DLG2: variants seen among roughly 807,000 people sequenced by gnomAD.
The protein encoded by DLG2 is disks large homolog 2.
A neutral mutation model predicts 132.5 loss-of-function variants in DLG2; 45 were observed. The ratio of observed to expected loss-of-function variants is 0.34; its 90% confidence interval spans 0.27 to 0.44. DLG2 has a LOEUF of 0.44. Ranked by LOEUF, DLG2 falls within the 20% of genes least tolerant of loss-of-function variation. DLG2 has a pLI of 1.00. For missense variants in DLG2, 1,045 were observed against 1,196.9 expected (o/e 0.87, Z 1.87); for synonymous variants, 424 against 419.6 (o/e 1.01, Z -0.13).
At chr11:84,950,039 A>T in intron 6 of DLG2, among the ~76,000 whole-genome samples, 1 of 152,232 alleles carries the variant, frequency 6.6e-6, no homozygotes, top group East Asian at 1.9e-4. Flanking sequence ...TTCTTCTGCC[A>T]TGGCTTCAGC....
chr11:85,100,284 T>C (rs2070666196), intron 6 of DLG2, among the ~76,000 whole-genome samples: 1 of 152,058 alleles, frequency 6.6e-6, no homozygotes, highest in South Asian at 2.1e-4. Flanking sequence ...AATAATATAA[T>C]AATAACAATA....
At chr11:85,501,472 G>C (rs2093801674) in intron 3 of DLG2, among the ~76,000 whole-genome samples, 1 of 152,178 alleles carries the variant, frequency 6.6e-6, no homozygotes, top group South Asian at 2.1e-4. Context: ...TATCATCAGA[G>C]TGAACAGGCA....
intron 17 of DLG2, among the ~76,000 whole-genome samples, chr11:83,789,081 CAA>C: frequency 6.6e-6 from 1 of 152,276 alleles, no homozygotes; most frequent in South Asian, 2.1e-4. Flanking sequence ...CAACTTCTCA[CAA>C]CCAATAAAAT....
At chr11:85,466,802 TG>T (rs1287050736) in intron 3 of DLG2, among the ~76,000 whole-genome samples, 1 of 152,184 alleles carries the variant, frequency 6.6e-6, no homozygotes, top group East Asian at 1.9e-4. Context: ...GGTTCTTTTT[TG>T]GTTCCATATG....
chr11:83,572,818 AC>A (rs2096820523), intron 19 of DLG2, among the ~76,000 whole-genome samples: 1 of 151,858 alleles, frequency 6.6e-6, no homozygotes, highest in Non-Finnish European at 1.5e-5. Flanking sequence ...CTCTGAATGA[AC>A]TCCTTAATTC....
chr11:84,944,846 T>A (rs992387004), intron 6 of DLG2, among the ~76,000 whole-genome samples: 1 of 152,158 alleles, frequency 6.6e-6, no homozygotes, highest in Non-Finnish European at 1.5e-5. Flanking sequence ...CCTCATGATT[T>A]GCCCACCTCA....
chr11:84,362,171 A>G (rs1430495290), intron 7 of DLG2, among the ~76,000 whole-genome samples: 2 of 151,986 alleles, frequency 1.3e-5, no homozygotes, highest in East Asian at 1.9e-4. Context: ...ACACCACAAC[A>G]GTTGAAATTC....
chr11:83,548,644 T>C (rs2096298916), intron 19 of DLG2, among the ~76,000 whole-genome samples: 1 of 152,150 alleles, frequency 6.6e-6, no homozygotes, highest in East Asian at 1.9e-4. Context: ...TCCATCTCAT[T>C]GAATCCCTGT....
At chr11:84,732,894 G>C (rs2063335848) in intron 6 of DLG2, among the ~76,000 whole-genome samples, 2 of 150,764 alleles carry the variant, frequency 1.3e-5, no homozygotes, top group South Asian at 4.2e-4. Context: ...TGTGATGTTT[G>C]GTTTTTTGTC....
At chr11:84,046,810 A>C (rs949391023) in intron 11 of DLG2, among the ~76,000 whole-genome samples, 1 of 151,600 alleles carries the variant, frequency 6.6e-6, no homozygotes. Flanking sequence ...ATATTAAAAT[A>C]GATTTCATTT....
chr11:84,317,427 A>G, intron 7 of DLG2: 1 of 1,209,638 alleles, frequency 8.3e-7, no homozygotes, highest in Non-Finnish European at 1.1e-6. Flanking sequence ...TCAATGCTCC[A>G]CACAGCTGGG....
At chr11:85,297,439 C>A (rs1352647401) in intron 3 of DLG2, among the ~76,000 whole-genome samples, 2 of 152,142 alleles carry the variant, frequency 1.3e-5, no homozygotes, top group African/African-American at 4.8e-5. Flanking sequence ...ACTGGAAAGC[C>A]ACACAGGACC....
chr11:85,150,014 T>TA (rs2077124042), intron 5 of DLG2, among the ~76,000 whole-genome samples: 1 of 127,550 alleles, frequency 7.8e-6, no homozygotes, highest in African/African-American at 3.0e-5. Context: ...TTTTTAATTT[T>TA]TTTTTTTTTT....
intron 12 of DLG2, among the ~76,000 whole-genome samples, chr11:83,979,211 T>A (rs934106771): frequency 6.6e-6 from 1 of 152,118 alleles, no homozygotes; most frequent in Non-Finnish European, 1.5e-5. Context: ...TCTCTAAAGC[T>A]GAGGGAAGTA....
At chr11:83,700,877 G>C (rs2082809855) in intron 18 of DLG2, among the ~76,000 whole-genome samples, 1 of 152,166 alleles carries the variant, frequency 6.6e-6, no homozygotes, top group African/African-American at 2.4e-5. Context: ...CAAGTGTTCA[G>C]ATATTGTAAC....
At chr11:84,427,831 G>C (rs993589662) in intron 7 of DLG2, among the ~76,000 whole-genome samples, 6 of 152,104 alleles carry the variant, frequency 3.9e-5, no homozygotes, top group Admixed American at 3.3e-4. Context: ...ACCTCTAACA[G>C]TACTTGTTTT....
chr11:85,319,099 T>C (rs2080880211), intron 3 of DLG2, among the ~76,000 whole-genome samples: 1 of 151,934 alleles, frequency 6.6e-6, no homozygotes, highest in East Asian at 1.9e-4. Flanking sequence ...GTAACTTCTC[T>C]GGTTCTTTTT....
intron 6 of DLG2, among the ~76,000 whole-genome samples, chr11:84,710,102 G>C (rs1232052597): frequency 2.0e-5 from 3 of 151,886 alleles, no homozygotes; most frequent in Admixed American, 2.0e-4. Flanking sequence ...CAAATGAATA[G>C]CGTATAGATT....
chr11:84,695,745 C>T (rs953815404), intron 6 of DLG2, among the ~76,000 whole-genome samples: 3 of 150,424 alleles, frequency 2.0e-5, no homozygotes, highest in African/African-American at 7.3e-5. Flanking sequence ...AATCTACTTA[C>T]AGTTTAGTAA....
Sources: allele counts gnomAD v4.1 joint callset (sites outside exome capture counted in the v4.1 genomes callset), GRCh38; gene constraint gnomAD v4.1.1; transcripts MANE v1.5; gene names NCBI Gene and HGNC (gene_info 2026-07-23, HGNC 2026-07-21).